Variants in CAPN13 observed in about 807,000 individuals in gnomAD.
CAPN13 encodes calpain-13.
Under a neutral mutation model 98.4 loss-of-function variants are expected in CAPN13, and 90 were observed. The ratio of observed to expected loss-of-function variants is 0.92; its 90% CI spans 0.77 to 1.09. CAPN13 has a LOEUF of 1.09. Ranked by LOEUF, CAPN13 falls within the 50% of genes least tolerant of loss-of-function variation. The pLI, the probability that CAPN13 is intolerant of heterozygous loss-of-function variation, is 0.00. For missense variants in CAPN13, 887 were observed against 841.3 expected (o/e 1.05, Z -0.67); for synonymous variants, 330 against 305.5 (o/e 1.08, Z -0.84).
chr2:30,800,144 GAAAGAAAGAAAGAA>G (rs1675158894), intron 1 of CAPN13, among the ~76,000 whole-genome samples: 1 of 147,122 alleles, frequency 6.8e-6, no homozygotes, highest in Non-Finnish European at 1.5e-5. Context: ...AAGAAAGAAA[GAAAGAAAGAAAGAA>G]AGAAAGAAAG....
At chr2:30,746,991 G>A (rs942996486) in intron 11 of CAPN13, among the ~76,000 whole-genome samples, 3 of 152,126 alleles carry the variant, frequency 2.0e-5, no homozygotes, top group African/African-American at 4.8e-5. Context: ...CCCTAACATC[G>A]GGAGCTTCCC....
At position 30,799,400 on chromosome 2, in the gene CAPN13, G is replaced by C. The variant is rs548394937; in HGVS notation, c.-33+7902C>G. On this transcript the variant is annotated intron_variant, in intron 1 of 22. Transcript: ENST00000295055. Reference sequence around the variant, plus strand: ...CACTCTGCACTTCAGAATCATCTCAGTAAGTCTCCATGCATGTGTGGCCTG... The same window carrying C: ...CACTCTGCACTTCAGAATCATCTCACTAAGTCTCCATGCATGTGTGGCCTG... Among the ~76,000 whole-genome samples, 10 of 152,332 alleles carry C rather than the reference G, an allele frequency of 6.6e-5. No individual in the cohort carries two copies. In the South Asian group the frequency reaches 2.1e-3, roughly 32 times the overall value.
At chr2:30,758,189 G>T in intron 7 of CAPN13, 52 bp from the exon 8 acceptor site, 2 of 1,375,374 alleles carry the variant, frequency 1.5e-6, no homozygotes, top group Non-Finnish European at 1.0e-6. Flanking sequence ...AAAGTCAGCA[G>T]AAAGGGGGAT....
chr2:30,769,783 T>C (rs558659446), intron 5 of CAPN13, among the ~76,000 whole-genome samples: 1 of 152,140 alleles, frequency 6.6e-6, no homozygotes, highest in East Asian at 1.9e-4. Flanking sequence ...CCCCCACACA[T>C]AAATGCCACC....
In CAPN13 at chr2:30,760,440, TG is replaced by T. The variant is rs200024004; in HGVS notation, c.775-2304del. Among the ~76,000 whole-genome samples the T allele has an allele frequency of 4.7e-5, 7 of 149,938 alleles. No homozygotes were observed. In the South Asian group the frequency reaches 6.4e-4, roughly 14 times the overall value. On this transcript the variant is annotated intron_variant, in intron 7 of 22. Coordinates refer to ENST00000295055, the MANE Select transcript of CAPN13 (RefSeq NM_144575.3). The stretch of plus-strand genomic sequence containing the variant: ...AGATACTCAGGGGCTCCAGTGGGCA[TG>T]GTGGGGAGAAAAGCAGCCTGCGATT...
intron 1 of CAPN13, among the ~76,000 whole-genome samples, chr2:30,801,583 T>G (rs944275695): frequency 6.7e-5 from 8 of 118,980 alleles, no homozygotes; most frequent in South Asian, 2.6e-4. Context: ...CCAGCCTGGG[T>G]GATAGAGGGA....
Position 30,738,481 on chromosome 2 carries a change from C to A in CAPN13, c.1537-24G>T. 1.9e-6 allele frequency: 3 copies of A among 1,590,148 alleles called. No individual in the cohort carries two copies. The South Asian group carries it at 3.4e-5, about 18-fold the overall frequency. ...CTCTGATCCAAACAAGGAAGGAATG[C>A]AGGAATTATATCAGTGCCAGGATCT... On this transcript the variant is annotated intron_variant, in intron 15 of 22. Coordinates refer to ENST00000295055, the MANE Select transcript of CAPN13 (RefSeq NM_144575.3).
intron 7 of CAPN13, among the ~76,000 whole-genome samples, chr2:30,760,557 T>TA (rs1452363424): frequency 6.6e-6 from 1 of 152,124 alleles, no homozygotes; most frequent in Non-Finnish European, 1.5e-5. Context: ...AGGTGCATAA[T>TA]AAAAAATGCC....
rs546353014 is a variant in CAPN13, at chr2:30,741,681, G to A, written c.1536+227C>T. ...ATTATCCCCTCCCTTTCTAAGCTCT[G>A]CATTCCAGCTTGAAGTCCCCCGGAT... On this transcript the variant is annotated intron_variant, in intron 15 of 22. Coordinates refer to ENST00000295055, the MANE Select transcript of CAPN13 (RefSeq NM_144575.3). 9 of 1,393,122 alleles carry A rather than the reference G, an allele frequency of 6.5e-6. No homozygotes were observed. In the East Asian group the frequency reaches 1.6e-4, roughly 25 times the overall value. The allele number at this position is 1,393,122 out of a possible 1,614,324, so 86.3% of individuals were successfully genotyped here.
At chr2:30,768,329 T>C (rs1207808227) in intron 5 of CAPN13, among the ~76,000 whole-genome samples, 5 of 152,162 alleles carry the variant, frequency 3.3e-5, no homozygotes, top group East Asian at 3.9e-4. Flanking sequence ...ACAAGGCCAG[T>C]TGGCCTGATG....
At chr2:30,752,732 G>A (rs1370027031) in intron 10 of CAPN13, among the ~76,000 whole-genome samples, 2 of 152,298 alleles carry the variant, frequency 1.3e-5, no homozygotes, top group South Asian at 2.1e-4. Context: ...TTTCTGCAGC[G>A]CTCTCCCTTG....
intron 8 of CAPN13, among the ~76,000 whole-genome samples, chr2:30,756,092 G>T (rs1209287012): frequency 6.6e-6 from 1 of 152,022 alleles, no homozygotes; most frequent in African/African-American, 2.4e-5. Context: ...AGATCCAACA[G>T]AACAGGTTCT....
intron 1 of CAPN13, among the ~76,000 whole-genome samples, chr2:30,791,034 TTGG>T (rs1397900908): frequency 1.3e-5 from 2 of 152,054 alleles, no homozygotes; most frequent in Non-Finnish European, 2.9e-5. Flanking sequence ...TATGAATTTG[TTGG>T]GGGAGGGGGA....
intron 2 of CAPN13, among the ~76,000 whole-genome samples, chr2:30,782,188 AATGTCTTCCATGTGACAGCACTCTTCAT>A (rs1301931292): frequency 6.6e-6 from 1 of 152,122 alleles, no homozygotes; most frequent in Non-Finnish European, 1.5e-5. Flanking sequence ...GCCAAGAAAT[AATGTCTTCCATGTGACAGCACTCTTCAT>A]ATTTCTGCAT....
intron 19 of CAPN13, among the ~76,000 whole-genome samples, chr2:30,733,692 C>T (rs547367289): frequency 1.3e-5 from 2 of 152,250 alleles, no homozygotes; most frequent in South Asian, 2.1e-4. Flanking sequence ...GTGGGGGCAA[C>T]GGTCTGATCT....
intron 12 of CAPN13, chr2:30,743,784 G>C (rs1340961916): frequency 1.5e-6 from 1 of 682,064 alleles, no homozygotes; most frequent in Admixed American, 2.0e-5. Flanking sequence ...GGACACAATG[G>C]ATGCAAGGAA....
In CAPN13 at chr2:30,743,589, G is replaced by A. The variant is rs1334873555; in HGVS notation, c.1249-10C>T. The A allele has an allele frequency of 1.9e-6, 3 of 1,613,738 alleles. No homozygotes were observed. The highest frequency in any genetic ancestry group is 2.5e-6 in the Non-Finnish European group (3 of 1,179,670). ...ATTTCTCCCGGAACCGCTGGAATTA[G>A]AGGAAACACAATGATTGTGAGAAAG... On this transcript the variant is annotated splice_polypyrimidine_tract_variant and intron_variant, in intron 12 of 22. Transcript: ENST00000295055.
intron 12 of CAPN13, among the ~76,000 whole-genome samples, chr2:30,744,573 G>A (rs1019541891): frequency 2.6e-5 from 4 of 152,130 alleles, no homozygotes; most frequent in Non-Finnish European, 4.4e-5. Context: ...AGAGGTGTGT[G>A]GGCAGCATGC....
intron 4 of CAPN13, among the ~76,000 whole-genome samples, chr2:30,773,334 C>T (rs1169589444): frequency 4.0e-5 from 6 of 148,360 alleles, no homozygotes; most frequent in Admixed American, 2.7e-4. Flanking sequence ...AGGAAAAACT[C>T]TCACATATTC....
Sources: allele counts gnomAD v4.1 joint callset (sites outside exome capture counted in the v4.1 genomes callset), GRCh38; gene constraint gnomAD v4.1.1; transcripts MANE v1.5; gene names NCBI Gene and HGNC (gene_info 2026-07-23, HGNC 2026-07-21).